Variants in SLC22A15 observed in about 807,000 individuals in gnomAD.
SLC22A15 encodes the protein solute carrier family 22 member 15.
SLC22A15 carries 45 observed loss-of-function variants against 62.7 expected under a neutral mutation model. The observed-to-expected ratio is 0.72, with a 90% CI of 0.56 to 0.92. SLC22A15 has a LOEUF of 0.92. Ranked by LOEUF, SLC22A15 falls within the 40% of genes least tolerant of loss-of-function variation. The pLI is 0.00. For missense variants in SLC22A15, 622 were observed against 665.6 expected, an observed-to-expected ratio of 0.93 and a Z score of 0.72; for synonymous variants, 264 against 267.0, an observed-to-expected ratio of 0.99 and a Z score of 0.11.
intron 2 of SLC22A15, among the ~76,000 whole-genome samples, chr1:116,007,642 G>A (rs1347773151): frequency 6.6e-6 from 1 of 152,176 alleles, no homozygotes; most frequent in Non-Finnish European, 1.5e-5. Flanking sequence ...ACTCTGGGAT[G>A]GGAGTCTCTC....
At chr1:115,993,455 G>GTGTGTGTGTGTC (rs1437794103) in intron 2 of SLC22A15, among the ~76,000 whole-genome samples, 4 of 150,800 alleles carry the variant, frequency 2.7e-5, no homozygotes, top group Admixed American at 1.3e-4. Flanking sequence ...GTGTGTGTGT[G>GTGTGTGTGTGTC]TGTCTGTCTG....
intron 8 of SLC22A15, among the ~76,000 whole-genome samples, chr1:116,041,829 G>A (rs1657795799): frequency 6.6e-6 from 1 of 152,130 alleles, no homozygotes; most frequent in Non-Finnish European, 1.5e-5. Flanking sequence ...AAAGTGGCAG[G>A]CAGAACAATC....
intron 8 of SLC22A15, among the ~76,000 whole-genome samples, chr1:116,042,730 T>C (rs1003197864): frequency 6.6e-6 from 1 of 152,122 alleles, no homozygotes; most frequent in Non-Finnish European, 1.5e-5. Flanking sequence ...AAAGGCGAAA[T>C]AGACAAATCC....
chr1:115,991,953 G>T lies in SLC22A15; in HGVS notation c.88-78G>T, dbSNP rs910811430. 100 of 1,238,278 alleles carry T rather than the reference G, an allele frequency of 8.1e-5. No individual in the cohort carries two copies. The East Asian group carries it at 2.3e-3, about 29-fold the overall frequency. 76.7% of individuals were successfully genotyped at this position (1,238,278 alleles called of 1,614,324 possible). A position where few individuals can be genotyped will look rare whatever the true frequency, so the allele number is the denominator to read the frequency against. ...AAAAGCAAGACACTGATCTTTCAAG[G>T]TTTGCAAGCCTGCTAAGTGTCTTCA... is the stretch of plus-strand genomic sequence containing the variant. On this transcript the variant is annotated intron_variant, in intron 1 of 11. Transcript: ENST00000369503.
chr1:116,030,448 T>C (rs1300652959), intron 5 of SLC22A15, among the ~76,000 whole-genome samples: 1 of 151,970 alleles, frequency 6.6e-6, no homozygotes, highest in Non-Finnish European at 1.5e-5. Context: ...CAAATTAGAT[T>C]TAAAAAAAAA....
At chr1:116,029,397 A>G (rs78673163) in intron 5 of SLC22A15, among the ~76,000 whole-genome samples, 3,595 of 152,266 alleles carry the variant, frequency 0.024, 139 homozygotes, top group African/African-American at 0.083. Context: ...TTAGCTTTCA[A>G]AGGAGCCCAC....
chr1:115,999,544 C>T (rs1448709360), intron 2 of SLC22A15, among the ~76,000 whole-genome samples: 1 of 150,562 alleles, frequency 6.6e-6, no homozygotes, highest in Non-Finnish European at 1.5e-5. Flanking sequence ...TGCTCTGTCA[C>T]CCAGGCTGGA....
chr1:115,990,955 A>C (rs2101088040), intron 1 of SLC22A15, among the ~76,000 whole-genome samples: 1 of 152,202 alleles, frequency 6.6e-6, no homozygotes, highest in Middle Eastern at 3.4e-3. Flanking sequence ...ATGGGGTTTC[A>C]CCATGTTGGC....
intron 2 of SLC22A15, among the ~76,000 whole-genome samples, chr1:116,011,952 T>G (rs1194691603): frequency 1.3e-5 from 2 of 152,192 alleles, no homozygotes; most frequent in Non-Finnish European, 2.9e-5. Context: ...ACATTATTCA[T>G]CTGTGGGAGA....
At chr1:115,982,304 T>C (rs1332747183) in intron 1 of SLC22A15, among the ~76,000 whole-genome samples, 1 of 152,192 alleles carries the variant, frequency 6.6e-6, no homozygotes, top group Non-Finnish European at 1.5e-5. Context: ...AGAGAAAATA[T>C]AGAAATTAAT....
chr1:116,055,710 A>G (rs901461993), intron 8 of SLC22A15, among the ~76,000 whole-genome samples: 2 of 151,590 alleles, frequency 1.3e-5, no homozygotes, highest in Non-Finnish European at 2.9e-5. Context: ...ATCCACCATG[A>G]TCAAGTGGGT....
chr1:116,019,352 A>G (rs772235351), intron 2 of SLC22A15, among the ~76,000 whole-genome samples: 1 of 152,236 alleles, frequency 6.6e-6, no homozygotes, highest in Non-Finnish European at 1.5e-5. Flanking sequence ...ATTCTGTAAT[A>G]AGATATGTAT....
At position 116,020,763 on chromosome 1, in the gene SLC22A15, C is replaced by G. The variant is rs754861856; in HGVS notation, c.476C>G (p.Ser159Cys). Residue 159 changes from serine to cysteine, a missense_variant, in exon 4 of 12, where the codon TCC (serine) becomes TGC (cysteine). Physicochemically the swap from Ser to Cys is moderately radical, Grantham distance 112. Transcript: ENST00000369503. The part of the protein sequence containing the change: ...DILFAIANGF[S>C]PSYEFFAVTR... ...TTATTTGCAATTGCAAATGGATTTT[C>G]CCCCTCATATGAGTTCTTTGCAGTA... 1 of 1,613,322 alleles carries G rather than the reference C, an allele frequency of 6.2e-7. No individual in the cohort carries two copies. Among genetic ancestry groups the G allele is most frequent in the Admixed American group, 1.7e-5 (1 of 59,976 alleles).
chr1:116,001,895 T>C (rs1213536299), intron 2 of SLC22A15, among the ~76,000 whole-genome samples: 1 of 152,228 alleles, frequency 6.6e-6, no homozygotes, highest in African/African-American at 2.4e-5. Flanking sequence ...TGCCTGTGGA[T>C]GTTCGTCAAT....
At chr1:116,029,432 T>G (rs910579609) in intron 5 of SLC22A15, among the ~76,000 whole-genome samples, 7 of 152,180 alleles carry the variant, frequency 4.6e-5, no homozygotes, top group Non-Finnish European at 8.8e-5. Context: ...TGCTGCTATG[T>G]AGAGGACGGC....
intron 1 of SLC22A15, among the ~76,000 whole-genome samples, chr1:115,980,816 T>C (rs1347670387): frequency 6.6e-6 from 1 of 152,170 alleles, no homozygotes; most frequent in Non-Finnish European, 1.5e-5. Context: ...ATGAATCTTA[T>C]TTTTTGCTTT....
chr1:116,036,166 CTCA>C (rs1657622623), intron 7 of SLC22A15, among the ~76,000 whole-genome samples: 1 of 152,144 alleles, frequency 6.6e-6, no homozygotes, highest in Non-Finnish European at 1.5e-5. Flanking sequence ...ACAGCTTACT[CTCA>C]TCATGATCCA....
At chr1:116,064,912 T>G (rs970664830) in intron 10 of SLC22A15, among the ~76,000 whole-genome samples, 3 of 152,108 alleles carry the variant, frequency 2.0e-5, no homozygotes, top group African/African-American at 7.2e-5. Flanking sequence ...GTATTAAATA[T>G]GAGACATGCT....
intron 1 of SLC22A15, among the ~76,000 whole-genome samples, chr1:115,985,041 A>C (rs905767228): frequency 2.0e-5 from 3 of 152,158 alleles, no homozygotes; most frequent in Non-Finnish European, 4.4e-5. Flanking sequence ...AAAAAAATAA[A>C]TTTAGCCTAA....
Sources: gnomAD v4.1 joint callset for allele counts (sites outside exome capture counted in the v4.1 genomes callset) on GRCh38, gnomAD v4.1.1 for gene constraint, MANE v1.5 for transcripts, NCBI Gene and HGNC (gene_info 2026-07-23, HGNC 2026-07-21) for gene names.